Variants in DMD observed in about 807,000 individuals in gnomAD.
DMD encodes the protein mutant dystrophin.
In DMD, 63 loss-of-function variants were observed where a neutral mutation model predicts 330.1. The ratio of observed to expected loss-of-function variants is 0.19; its 90% CI spans 0.16 to 0.24. The LOEUF (loss-of-function observed/expected upper bound fraction) is 0.24, where lower values mean the gene tolerates loss of function less well. Ranked by LOEUF, DMD falls within the 10% of genes least tolerant of loss-of-function variation. The pLI, the probability that DMD is intolerant of heterozygous loss-of-function variation, is 1.00. For synonymous variants in DMD, 1,223 were observed against 959.8 expected, an observed-to-expected ratio of 1.27 and a Z score of -5.07; for missense variants, 3,344 against 2,684.1, an observed-to-expected ratio of 1.25 and a Z score of -5.43.
intron 64 of DMD, among the ~76,000 whole-genome samples, chrX:31,215,576 A>C (rs149448380): frequency 0.021 from 2,369 of 112,126 alleles, 23 homozygotes; most frequent in Middle Eastern, 0.037. Flanking sequence ...TCAGGAAATA[A>C]CCTGAGGGAA....
intron 13 of DMD, among the ~76,000 whole-genome samples, chrX:32,585,998 A>G (rs2054252264): frequency 9.0e-6 from 1 of 110,990 alleles, no homozygotes; most frequent in Non-Finnish European, 1.9e-5. Context: ...TTAACTGTAT[A>G]CTTACAGCAC....
chrX:32,727,325 G>C (rs1323621098), intron 7 of DMD, among the ~76,000 whole-genome samples: 1 of 110,977 alleles, frequency 9.0e-6, no homozygotes, highest in African/African-American at 3.3e-5. Context: ...GGTGGAACAA[G>C]AACTATATAG....
chrX:31,314,471 G>C (rs1781932813), intron 62 of DMD, among the ~76,000 whole-genome samples: 1 of 111,698 alleles, frequency 9.0e-6, no homozygotes, highest in Non-Finnish European at 1.9e-5. Flanking sequence ...AAGAAAAACA[G>C]AAAAAAGCAG....
intron 7 of DMD, among the ~76,000 whole-genome samples, chrX:32,710,098 G>A (rs1032773644): frequency 9.0e-6 from 1 of 111,457 alleles, no homozygotes; most frequent in Non-Finnish European, 1.9e-5. Context: ...TTCTGCAAAA[G>A]AGATTCAGTT....
intron 43 of DMD, among the ~76,000 whole-genome samples, chrX:32,273,287 AAAAC>A (rs2097372219): frequency 1.8e-5 from 1 of 55,374 alleles, no homozygotes; most frequent in African/African-American, 7.4e-5. Context: ...TAAATAAAAC[AAAAC>A]AAAACAAAAC....
intron 62 of DMD, among the ~76,000 whole-genome samples, chrX:31,299,568 G>C (rs1251870510): frequency 9.0e-6 from 1 of 110,719 alleles, no homozygotes; most frequent in African/African-American, 3.3e-5. Context: ...ATGAGGTCAA[G>C]AGATCAAGAC....
At chrX:31,409,953 G>T (rs747885830) in intron 60 of DMD, among the ~76,000 whole-genome samples, 2 of 111,131 alleles carry the variant, frequency 1.8e-5, no homozygotes, top group East Asian at 5.7e-4. Flanking sequence ...CGAGTAGCTG[G>T]GATTACAGGC....
intron 54 of DMD, among the ~76,000 whole-genome samples, chrX:31,654,755 T>C (rs1227378941): frequency 1.8e-5 from 2 of 110,113 alleles, no homozygotes; most frequent in African/African-American, 3.3e-5. Context: ...CTAGGGACTA[T>C]TAGAGTGTGG....
intron 51 of DMD, among the ~76,000 whole-genome samples, chrX:31,766,484 C>T (rs2090003329): frequency 8.9e-6 from 1 of 111,976 alleles, no homozygotes; most frequent in Admixed American, 9.5e-5. Context: ...TCTCAAACTC[C>T]TGACCTCAGG....
At chrX:33,331,728 T>C (rs1329147866) in intron 1 of DMD, among the ~76,000 whole-genome samples, 1 of 111,602 alleles carries the variant, frequency 9.0e-6, no homozygotes, top group Non-Finnish European at 1.9e-5. Flanking sequence ...CTGTACCTCC[T>C]CTATAAACGT....
chrX:32,018,897 G>A (rs1194744894), intron 44 of DMD, among the ~76,000 whole-genome samples: 2 of 111,209 alleles, frequency 1.8e-5, no homozygotes, highest in Admixed American at 1.9e-4. Context: ...AACTTTTTCA[G>A]TCTCTGTAGG....
At chrX:32,950,583 C>G (rs1183393150) in intron 2 of DMD, among the ~76,000 whole-genome samples, 11 of 111,332 alleles carry the variant, frequency 9.9e-5, no homozygotes, top group African/African-American at 1.6e-4. Context: ...TATCAGCCTT[C>G]TTTACAGGTT....
chrX:31,945,918 CTCAT>C (rs1190647056), intron 45 of DMD, among the ~76,000 whole-genome samples: 1 of 111,761 alleles, frequency 8.9e-6, no homozygotes, highest in Non-Finnish European at 1.9e-5. Context: ...CATTATTAAT[CTCAT>C]TATGTGCCAT....
intron 43 of DMD, among the ~76,000 whole-genome samples, chrX:32,247,165 G>C (rs890168058): frequency 9.0e-6 from 1 of 111,685 alleles, no homozygotes; most frequent in African/African-American, 3.3e-5. Flanking sequence ...AAAGAGAACA[G>C]TATATTATGG....
intron 47 of DMD, among the ~76,000 whole-genome samples, chrX:31,906,621 T>G (rs916816193): frequency 6.2e-5 from 7 of 112,312 alleles, no homozygotes; most frequent in Non-Finnish European, 9.4e-5. Context: ...GCAATATCCA[T>G]TCTATTATTG....
chrX:32,806,823 C>T (rs1184477154), intron 7 of DMD, among the ~76,000 whole-genome samples: 1 of 108,318 alleles, frequency 9.2e-6, no homozygotes, highest in African/African-American at 3.4e-5. Context: ...TGGAAACTAA[C>T]AATCTGCTTC....
intron 63 of DMD, among the ~76,000 whole-genome samples, chrX:31,247,627 G>A (rs767658691): frequency 3.1e-4 from 34 of 108,505 alleles, no homozygotes; most frequent in Non-Finnish European, 5.5e-4. Flanking sequence ...AAAATCTCTG[G>A]AAGTGATTCT....
intron 50 of DMD, among the ~76,000 whole-genome samples, chrX:31,779,832 T>C (rs2090919634): frequency 9.0e-6 from 1 of 110,779 alleles, no homozygotes; most frequent in African/African-American, 3.3e-5. Flanking sequence ...TTAAAATGAC[T>C]CTACTAAAAT....
At chrX:32,399,341 C>A (rs989441725) in intron 30 of DMD, among the ~76,000 whole-genome samples, 10 of 111,417 alleles carry the variant, frequency 9.0e-5, no homozygotes, top group African/African-American at 3.3e-4. Context: ...ACCCATCTGA[C>A]AAGGGATCAA....
Sources: allele counts gnomAD v4.1 joint callset (sites outside exome capture counted in the v4.1 genomes callset), GRCh38; gene constraint gnomAD v4.1.1; transcripts MANE v1.5; gene names NCBI Gene and HGNC (gene_info 2026-07-23, HGNC 2026-07-21).